The following TTYH3 variants were observed in gnomAD, a reference collection of about 807,000 sequenced individuals.
TTYH3 encodes protein tweety homolog 3.
A neutral mutation model predicts 68.2 loss-of-function variants in TTYH3; 23 were observed. That is an observed-to-expected ratio of 0.34 (90% CI 0.24 to 0.48). The LOEUF is 0.48. TTYH3 is among the 20% of genes least tolerant of loss of function. The probability of loss-of-function intolerance (pLI) is 0.99; values close to 1 mark genes in which losing one functional copy is unlikely to be tolerated. For missense variants in TTYH3, 768 were observed against 727.7 expected (o/e 1.06, Z -0.64); for synonymous variants, 360 against 332.8 (o/e 1.08, Z -0.89).
At chr7:2,644,077 C>T (rs1371767628) in intron 1 of TTYH3, among the ~76,000 whole-genome samples, 2 of 152,158 alleles carry the variant, frequency 1.3e-5, no homozygotes, top group African/African-American at 2.4e-5. Flanking sequence ...GGCCAAGATG[C>T]GGCTGGTTGA....
chr7:2,640,176 ATCGTG>A (rs1164026670), intron 1 of TTYH3, among the ~76,000 whole-genome samples: 82 of 152,248 alleles, frequency 5.4e-4, no homozygotes, highest in South Asian at 2.7e-3. Context: ...GGGTGGTGGG[ATCGTG>A]GCCACTGCCT....
chr7:2,650,227 G>A (rs1786130137), intron 7 of TTYH3, among the ~76,000 whole-genome samples: 3 of 152,216 alleles, frequency 2.0e-5, no homozygotes, highest in Admixed American at 2.0e-4. Context: ...GGAGCGGCAG[G>A]TGACCCAGGG....
At chr7:2,652,580 G>T (rs1271547388) in intron 8 of TTYH3, among the ~76,000 whole-genome samples, 1 of 152,200 alleles carries the variant, frequency 6.6e-6, no homozygotes. Flanking sequence ...TGGTGGGGGA[G>T]TTTGAAGAGG....
intron 1 of TTYH3, among the ~76,000 whole-genome samples, chr7:2,636,972 G>T (rs1053328295): frequency 2.0e-5 from 3 of 152,134 alleles, no homozygotes; most frequent in Non-Finnish European, 4.4e-5. Context: ...GGACCCTCTA[G>T]AAGTCCCCGA....
chr7:2,663,341 C>T lies in TTYH3; in HGVS notation c.*1602C>T, dbSNP rs981000349. On this transcript the variant is annotated 3_prime_UTR_variant, in exon 14 of 14. Coordinates refer to ENST00000258796, the MANE Select transcript of TTYH3 (RefSeq NM_025250.3). ...TGGACCGGAAATGTCCTCATCCCCT[C>T]CCTGGGGCCAGGCTCTGCCCTGGCC... The T allele has an allele frequency of 6.5e-6, 1 of 152,836 alleles. No homozygotes were observed. Among genetic ancestry groups the T allele is most frequent in the Non-Finnish European group, 1.5e-5 (1 of 68,124 alleles). The allele number at this position is 152,836 out of a possible 1,614,324, so 9.5% of individuals were successfully genotyped here. A position where few individuals can be genotyped will look rare whatever the true frequency, so the allele number is the denominator to read the frequency against.
rs140439727 is a variant in TTYH3, at chr7:2,649,612, G to A, written c.768G>A (p.Ala256=). Residue 256 remains alanine, a synonymous_variant, in exon 6 of 14, where the codon GCG becomes GCA. Coordinates refer to ENST00000258796, the MANE Select transcript of TTYH3 (RefSeq NM_025250.3). ...GVLALVISWG[A]LGLELAVSVG... ...TGGCCCTGGTCATCAGCTGGGGCGC[G>A]CTGGGCTTGGAGCTGGCTGTGTCCG... The A allele has an allele frequency of 2.8e-5, 45 of 1,598,864 alleles. No individual in the cohort carries two copies. In the East Asian group the frequency reaches 6.7e-4, roughly 24 times the overall value.
chr7:2,639,308 T>C (rs190271901), intron 1 of TTYH3, among the ~76,000 whole-genome samples: 253 of 152,310 alleles, frequency 1.7e-3, no homozygotes, highest in African/African-American at 5.9e-3. Context: ...ATCTTCGGCA[T>C]GCAGGAGACG....
chr7:2,654,215 C>T (rs1176432994), intron 9 of TTYH3, among the ~76,000 whole-genome samples: 1 of 152,154 alleles, frequency 6.6e-6, no homozygotes, highest in Non-Finnish European at 1.5e-5. Context: ...GGCAACATAG[C>T]AAGACCCCAT....
intron 1 of TTYH3, among the ~76,000 whole-genome samples, chr7:2,640,022 C>T (rs1209189983): frequency 6.6e-6 from 1 of 152,162 alleles, no homozygotes; most frequent in Non-Finnish European, 1.5e-5. Flanking sequence ...CCCGCCCCCG[C>T]TGTGTGACTG....
At chr7:2,649,318 A>C (rs934145356) in intron 5 of TTYH3, among the ~76,000 whole-genome samples, 7 of 152,044 alleles carry the variant, frequency 4.6e-5, no homozygotes, top group African/African-American at 1.7e-4. Context: ...GCGGGGCCCC[A>C]AGAGCCACGT....
rs775177766 is a variant in TTYH3 at position 2,647,585 on chromosome 7, G to A, written c.573G>A (p.Thr191=). 4.8e-5 allele frequency: 76 copies of A among 1,573,642 alleles called. No individual in the cohort carries two copies. In the Admixed American group the frequency reaches 1.3e-3, roughly 27 times the overall value. The change falls in exon 4 of 14, where the codon ACG becomes ACA. Residue 191 remains threonine (T), a synonymous_variant. Coordinates refer to ENST00000258796, the MANE Select transcript of TTYH3 (RefSeq NM_025250.3). ...YTAAIPFWRN[T]AVSLEVLAEQ... ...CCGCCATCCCCTTTTGGAGGAACAC[G>A]GCGGTGTCGCTGGAGGTGCTGGCGG...
intron 9 of TTYH3, among the ~76,000 whole-genome samples, chr7:2,653,931 G>A (rs185075173): frequency 8.8e-4 from 134 of 152,322 alleles, no homozygotes; most frequent in African/African-American, 3.1e-3. Context: ...TCTCTTTGGA[G>A]GTGTTTGGTC....
chr7:2,648,080 G>A lies in TTYH3; in HGVS notation c.722+26G>A, dbSNP rs142160106. On this transcript the variant is annotated intron_variant, in intron 5 of 13. Coordinates refer to ENST00000258796, the MANE Select transcript of TTYH3 (RefSeq NM_025250.3). ...GTGAGTCTGGGGGTGTCGGCCCCCCGTGGGCCCAAAGCGGAGGGGCAGGGC... is the reference window on the plus strand; with the variant it reads ...GTGAGTCTGGGGGTGTCGGCCCCCCATGGGCCCAAAGCGGAGGGGCAGGGC... 4.8e-4 allele frequency: 773 copies of A among 1,597,762 alleles called. 4 individuals are homozygous for A. The African/African-American group carries it at 8.7e-3, about 18-fold the overall frequency.
At position 2,662,748 on chromosome 7, in the gene TTYH3, C is replaced by T. The variant is rs1786528571; in HGVS notation, c.*1009C>T. On this transcript the variant is annotated 3_prime_UTR_variant, in exon 14 of 14. Coordinates refer to ENST00000258796, the MANE Select transcript of TTYH3 (RefSeq NM_025250.3). ...ACTAACCACTAACCTCACCCCCAAA[C>T]TCCACGGGTGCCCCTAGCTGGCCCA... is the stretch of plus-strand genomic sequence containing the variant. The T allele has an allele frequency of 1.3e-5, 2 of 152,942 alleles. No homozygotes were observed. Among genetic ancestry groups the T allele is most frequent in the Admixed American group, 1.3e-4 (2 of 15,290 alleles). The allele number at this position is 152,942 out of a possible 1,614,324, so 9.5% of individuals were successfully genotyped here.
chr7:2,648,886 T>TCAGTGGGGTGTGCAGGCCCG (rs1562713801), intron 5 of TTYH3, among the ~76,000 whole-genome samples: 25 of 92,406 alleles, frequency 2.7e-4, no homozygotes, highest in African/African-American at 1.0e-3. Context: ...TGTGGGGTCC[T>TCAGTGGGGTGTGCAGGCCCG]CAGTGGGGTG....
At chr7:2,644,609 C>T (rs1785933524) in intron 1 of TTYH3, among the ~76,000 whole-genome samples, 1 of 152,180 alleles carries the variant, frequency 6.6e-6, no homozygotes, top group Non-Finnish European at 1.5e-5. Context: ...CCCAGCAGTC[C>T]TCCTGCCATT....
At chr7:2,660,477 T>G (rs1049251872) in intron 13 of TTYH3, 2 of 985,230 alleles carry the variant, frequency 2.0e-6, no homozygotes, top group African/African-American at 1.7e-5. Flanking sequence ...CACGTGAGCT[T>G]CTCCCGCTGG....
intron 13 of TTYH3, among the ~76,000 whole-genome samples, chr7:2,661,380 A>C (rs1224470418): frequency 1.3e-5 from 2 of 152,090 alleles, no homozygotes; most frequent in African/African-American, 2.4e-5. Flanking sequence ...TGGTGTGGGC[A>C]TGGGAGGCTG....
rs963055087 is a variant in TTYH3 at position 2,663,206 on chromosome 7, C to G, written c.*1467C>G. On this transcript the variant is annotated 3_prime_UTR_variant, in exon 14 of 14. Transcript: ENST00000258796. ...AAGGCCAGGGGCAGCCAGAGGGCAG[C>G]TGGATGGCCACGTGCAGGGGTCAAG... 6.6e-6 allele frequency: 1 copy of G among 152,528 alleles called. No homozygotes were observed. Among genetic ancestry groups the G allele is most frequent in the Non-Finnish European group, 1.5e-5 (1 of 68,108 alleles). 9.4% of individuals were successfully genotyped at this position (152,528 alleles called of 1,614,324 possible).
Sources: gnomAD v4.1 joint callset for allele counts (sites outside exome capture counted in the v4.1 genomes callset) on GRCh38, gnomAD v4.1.1 for gene constraint, MANE v1.5 for transcripts, NCBI Gene and HGNC (gene_info 2026-07-23, HGNC 2026-07-21) for gene names.